HSD17B11: variants seen among roughly 807,000 people sequenced by gnomAD.
HSD17B11 encodes hydroxysteroid 17-beta dehydrogenase 11, also known as estradiol 17-beta-dehydrogenase 11.
Under a neutral mutation model 27.8 loss-of-function variants are expected in HSD17B11, and 22 were observed. The ratio of observed to expected loss-of-function variants is 0.79; its 90% CI spans 0.56 to 1.13. The LOEUF (loss-of-function observed/expected upper bound fraction) is 1.13. Among genes scored for constraint, HSD17B11 ranks in the 50% most tolerant of loss-of-function variants. The pLI, the probability that HSD17B11 is intolerant of heterozygous loss-of-function variation, is 0.00. For synonymous variants in HSD17B11, 117 were observed against 132.8 expected, an observed-to-expected ratio of 0.88 and a Z score of 0.82; for missense variants, 314 against 351.1, an observed-to-expected ratio of 0.89 and a Z score of 0.84.
intron 2 of HSD17B11, among the ~76,000 whole-genome samples, chr4:87,376,528 AAAAC>A (rs1735828968): frequency 6.8e-6 from 1 of 147,528 alleles, no homozygotes; most frequent in South Asian, 2.1e-4. Context: ...AAAAACCCAA[AAAAC>A]AAACAAAAAA....
chr4:87,375,347 T>A (rs757542947), intron 2 of HSD17B11, among the ~76,000 whole-genome samples: 20 of 152,256 alleles, frequency 1.3e-4, no homozygotes, highest in Non-Finnish European at 2.8e-4. Flanking sequence ...AAATTTTCTT[T>A]TGCAATTTAG....
chr4:87,383,214 CAGA>C (rs1344962316), intron 1 of HSD17B11, among the ~76,000 whole-genome samples: 7 of 152,016 alleles, frequency 4.6e-5, no homozygotes, highest in Non-Finnish European at 1.0e-4. Flanking sequence ...AGGTCAAGGC[CAGA>C]AGAAGTTCAG....
intron 1 of HSD17B11, among the ~76,000 whole-genome samples, chr4:87,384,163 C>T (rs541364918): frequency 6.6e-6 from 1 of 152,278 alleles, no homozygotes; most frequent in East Asian, 1.9e-4. Flanking sequence ...CGGCAAAGAA[C>T]ATAAATTGTG....
intron 2 of HSD17B11, among the ~76,000 whole-genome samples, chr4:87,381,325 G>A (rs1362704205): frequency 6.6e-6 from 1 of 152,060 alleles, no homozygotes; most frequent in Non-Finnish European, 1.5e-5. Context: ...GTATTTTAAG[G>A]AATCTGCCCA....
At chr4:87,377,460 A>G (rs1412734871) in intron 2 of HSD17B11, among the ~76,000 whole-genome samples, 2 of 151,272 alleles carry the variant, frequency 1.3e-5, no homozygotes, top group Non-Finnish European at 2.9e-5. Flanking sequence ...AAAAAAAAAA[A>G]AGACTATACT....
intron 4 of HSD17B11, among the ~76,000 whole-genome samples, chr4:87,364,273 A>G (rs1018997714): frequency 4.8e-5 from 5 of 104,614 alleles, no homozygotes; most frequent in African/African-American, 7.7e-5. Flanking sequence ...GTTTTGGGAA[A>G]AAAAAAAAAA....
chr4:87,342,956 C>T (rs1031213804), intron 5 of HSD17B11, among the ~76,000 whole-genome samples: 13 of 152,146 alleles, frequency 8.5e-5, no homozygotes, highest in African/African-American at 2.9e-4. Flanking sequence ...GGATGCTATG[C>T]CTTGAAAAGC....
intron 4 of HSD17B11, among the ~76,000 whole-genome samples, chr4:87,371,704 T>C (rs1440625554): frequency 1.3e-5 from 2 of 152,254 alleles, no homozygotes; most frequent in African/African-American, 4.8e-5. Flanking sequence ...AGCACATCTC[T>C]GTGAAAGTCC....
chr4:87,383,015 G>A lies in HSD17B11; in HGVS notation c.211-653C>T, dbSNP rs143288482. ...ATACATTGTGATGAGTATCACAGCA[G>A]AGTTCTATACAGGGAGTTACGGGAA... On this transcript the variant is annotated intron_variant, in intron 1 of 6. Coordinates refer to ENST00000358290, the MANE Select transcript of HSD17B11 (RefSeq NM_016245.5). Among the ~76,000 whole-genome samples the A allele has an allele frequency of 3.4e-3, 524 of 152,276 alleles. 2 individuals are homozygous for A. Among genetic ancestry groups the A allele is most frequent in the African/African-American group, 0.012 (491 of 41,546 alleles).
intron 4 of HSD17B11, among the ~76,000 whole-genome samples, chr4:87,370,518 C>T (rs190069812): frequency 0.029 from 4,426 of 151,832 alleles, 214 homozygotes; most frequent in African/African-American, 0.1. Flanking sequence ...CAGGTTCAAG[C>T]GATTCCCCTG....
rs868520850 is a variant in HSD17B11, at chr4:87,370,971, C to G, written c.557+1738G>C. ...GTTTCACCGTGTTAGCCAGGATGGTCTCGATCTCCTGACCTCGTGATCCGC... is the reference window on the plus strand; with the variant it reads ...GTTTCACCGTGTTAGCCAGGATGGTGTCGATCTCCTGACCTCGTGATCCGC... On this transcript the variant is annotated intron_variant, in intron 4 of 6. Coordinates refer to ENST00000358290, the MANE Select transcript of HSD17B11 (RefSeq NM_016245.5). 2.3e-5 allele frequency among the ~76,000 whole-genome samples: 3 copies of G among 127,906 alleles called. No individual in the cohort carries two copies. The East Asian group carries it at 5.9e-4, about 25-fold the overall frequency. The allele number at this position is 127,906 out of a possible 152,430, so 83.9% of individuals were successfully genotyped here. A position where few individuals can be genotyped will look rare whatever the true frequency, so the allele number is the denominator to read the frequency against.
At chr4:87,353,246 G>A (rs1043313318) in intron 5 of HSD17B11, among the ~76,000 whole-genome samples, 1 of 151,920 alleles carries the variant, frequency 6.6e-6, no homozygotes, top group Non-Finnish European at 1.5e-5. Context: ...ATTCATAAAG[G>A]GGGATTACTG....
chr4:87,347,116 C>CTTTTTTTT (rs70957224), intron 5 of HSD17B11, among the ~76,000 whole-genome samples: 45 of 44,308 alleles, frequency 1.0e-3, no homozygotes, highest in African/African-American at 1.4e-3. Flanking sequence ...TTTTTTTTTT[C>CTTTTTTTT]TTTTTTTTTT....
intron 1 of HSD17B11, among the ~76,000 whole-genome samples, chr4:87,388,635 TA>T (rs1223455684): frequency 2.0e-5 from 3 of 152,256 alleles, no homozygotes; most frequent in African/African-American, 7.2e-5. Flanking sequence ...TTTCACCTTT[TA>T]TTTTTTTCTT....
At chr4:87,390,294 C>A (rs1228337694) in intron 1 of HSD17B11, among the ~76,000 whole-genome samples, 1 of 152,132 alleles carries the variant, frequency 6.6e-6, no homozygotes, top group Non-Finnish European at 1.5e-5. Flanking sequence ...ATAGCTGGGA[C>A]TACAGACGCC....
intron 2 of HSD17B11, among the ~76,000 whole-genome samples, chr4:87,375,094 TC>T (rs1435401592): frequency 2.0e-5 from 3 of 152,164 alleles, no homozygotes; most frequent in African/African-American, 7.2e-5. Flanking sequence ...AGATTGGATT[TC>T]ACCATGTTAG....
chr4:87,368,088 C>A (rs539471478), intron 4 of HSD17B11, among the ~76,000 whole-genome samples: 6 of 151,970 alleles, frequency 3.9e-5, no homozygotes, highest in Admixed American at 3.3e-4. Flanking sequence ...GGGGCCGAGG[C>A]GGGTGGATCA....
At chr4:87,341,969 A>C (rs1735178137) in intron 5 of HSD17B11, among the ~76,000 whole-genome samples, 1 of 152,228 alleles carries the variant, frequency 6.6e-6, no homozygotes. Context: ...TTAACATTTT[A>C]TTAATGACTT....
At chr4:87,363,735 A>G (rs576492320) in intron 4 of HSD17B11, among the ~76,000 whole-genome samples, 43 of 152,262 alleles carry the variant, frequency 2.8e-4, no homozygotes, top group Non-Finnish European at 5.4e-4. Flanking sequence ...GAGAAAAGAA[A>G]TAGACACTGC....
Sources: allele counts gnomAD v4.1 joint callset (sites outside exome capture counted in the v4.1 genomes callset), GRCh38; gene constraint gnomAD v4.1.1; transcripts MANE v1.5; gene names NCBI Gene and HGNC (gene_info 2026-07-23, HGNC 2026-07-21).